Variants in NCKAP1L observed in about 807,000 individuals in gnomAD.
NCKAP1L encodes nck-associated protein 1-like.
Under a neutral mutation model 139.2 loss-of-function variants are expected in NCKAP1L, and 53 were observed. That is an observed-to-expected ratio of 0.38 (90% CI 0.31 to 0.48). NCKAP1L has a LOEUF of 0.48. Among genes scored for constraint, NCKAP1L ranks in the 20% least tolerant of loss-of-function variants. The pLI is 0.98. For missense variants in NCKAP1L, 1,151 were observed against 1,381.9 expected (o/e 0.83, Z 2.65); for synonymous variants, 468 against 499.7 (o/e 0.94, Z 0.85).
chr12:54,521,185 A>G lies in NCKAP1L; in HGVS notation c.1825A>G (p.Thr609Ala). 6.2e-7 allele frequency: 1 copy of G among 1,614,138 alleles called. No homozygotes were observed. The highest frequency in any genetic ancestry group is 8.5e-7 in the Non-Finnish European group (1 of 1,180,014). Residue 609 changes from threonine (T) to alanine (A), a missense_variant, in exon 18 of 31, where the codon ACC becomes GCC. Thr to Ala is a moderately conservative substitution (Grantham distance 58). Coordinates refer to ENST00000293373, the MANE Select transcript of NCKAP1L (RefSeq NM_005337.5). Reference sequence around the variant, plus strand: ...CTTCCTGGAAGAGTTGGCCAAGCAGACCAGCAATTGCGTCCTGGAGATCTG... The same window carrying G: ...CTTCCTGGAAGAGTTGGCCAAGCAGGCCAGCAATTGCGTCCTGGAGATCTG... ...NSFLEELAKQ[T>A]SNCVLEICAE...
chr12:54,534,686 A>G (rs1490845503), intron 26 of NCKAP1L, among the ~76,000 whole-genome samples: 2 of 152,220 alleles, frequency 1.3e-5, no homozygotes, highest in Non-Finnish European at 2.9e-5. Flanking sequence ...CAGTGAATAA[A>G]TTATCCTGGC....
Position 54,499,359 on chromosome 12 carries a change from G to A in NCKAP1L, c.107G>A (p.Cys36Tyr), listed in dbSNP as rs749263836. Residue 36 changes from cysteine (C) to tyrosine (Y), a missense_variant, in exon 2 of 31, where the codon TGT becomes TAT. Cys to Tyr is a radical substitution (Grantham distance 194). Transcript: ENST00000293373. ...LIRMYNIKKT[C>Y]SDPKSKPPFL... is the part of the protein sequence containing the mutation. ...ATATATGGTTTCTCTCTGCAGACTT[G>A]TTCAGACCCCAAATCTAAGCCACCT... 7 of 1,579,696 alleles carry A rather than the reference G, an allele frequency of 4.4e-6. No homozygotes were observed. Among genetic ancestry groups the A allele is most frequent in the Non-Finnish European group, 6.1e-6 (7 of 1,148,832 alleles).
At chr12:54,521,092 C>G in intron 17 of NCKAP1L, 27 bp from the exon 18 acceptor site, 1 of 1,613,436 alleles carries the variant, frequency 6.2e-7, no homozygotes, top group South Asian at 1.1e-5. Flanking sequence ...TGATGACAGT[C>G]TCTTCTTTGG....
intron 16 of NCKAP1L, among the ~76,000 whole-genome samples, chr12:54,520,038 T>C (rs1565677946): frequency 6.6e-6 from 1 of 152,170 alleles, no homozygotes; most frequent in Non-Finnish European, 1.5e-5. Context: ...CACTTGACGT[T>C]TTTAGGTGAC....
At chr12:54,531,429 G>T in intron 23 of NCKAP1L, 62 bp from the exon 24 acceptor site, 3 of 1,606,126 alleles carry the variant, frequency 1.9e-6, no homozygotes, top group East Asian at 2.2e-5. Flanking sequence ...GAGACTGGGG[G>T]GGAAGATGTA....
chr12:54,516,369 C>A, intron 10 of NCKAP1L, 74 bp downstream of exon 10: 1 of 1,396,144 alleles, frequency 7.2e-7, no homozygotes, highest in Non-Finnish European at 1.0e-6. Context: ...CTCACCTAAG[C>A]CATCCTTAGT....
At chr12:54,498,399 TTG>T (rs766272206) in intron 1 of NCKAP1L, among the ~76,000 whole-genome samples, 2,461 of 141,922 alleles carry the variant, frequency 0.017, 25 homozygotes, top group Non-Finnish European at 0.017. Context: ...GCTGTGGTGG[TTG>T]TGTGTGTGTG....
chr12:54,542,787 C>T lies in NCKAP1L; in HGVS notation c.*102C>T, dbSNP rs1957169123. ...GCAGGGGGTGGGAATGGGGTGGGGT[C>T]ACTAAGGAGAGAGGGTCAGGAGCCA... On this transcript the variant is annotated 3_prime_UTR_variant, in exon 31 of 31. Transcript: ENST00000293373. The T allele has an allele frequency of 5.5e-6, 4 of 732,324 alleles. No individual in the cohort carries two copies. The highest frequency in any genetic ancestry group is 9.6e-6 in the Non-Finnish European group (4 of 416,164). 45.4% of individuals were successfully genotyped at this position (732,324 alleles called of 1,614,324 possible).
At chr12:54,522,180 A>AAGGGAGT (rs1377716961) in intron 18 of NCKAP1L, among the ~76,000 whole-genome samples, 2 of 152,232 alleles carry the variant, frequency 1.3e-5, no homozygotes, top group Non-Finnish European at 2.9e-5. Context: ...TTTAAGAGAA[A>AAGGGAGT]AGGGAGTATA....
At chr12:54,513,968 A>ATGTG (rs61519403) in intron 9 of NCKAP1L, among the ~76,000 whole-genome samples, 44,310 of 148,586 alleles carry the variant, frequency 0.3, 6,761 homozygotes, top group East Asian at 0.58. Flanking sequence ...CATCCTTCAG[A>ATGTG]TGTGTGTGTG....
chr12:54,521,246 C>T lies in NCKAP1L; in HGVS notation c.1878+8C>T. On this transcript the variant is annotated splice_region_variant and intron_variant, in intron 18 of 30. Transcript: ENST00000293373. ...CGAAACCTGAGCGAGCAGGTAGACT[C>T]AGCCCTCTCTGTTTCACTCTCCCCT... The T allele has an allele frequency of 6.2e-7, 1 of 1,613,676 alleles. No homozygotes were observed. Among genetic ancestry groups the T allele is most frequent in the Non-Finnish European group, 8.5e-7 (1 of 1,179,714 alleles).
At chr12:54,501,920 A>T (rs992139824) in intron 3 of NCKAP1L, among the ~76,000 whole-genome samples, 21 of 152,306 alleles carry the variant, frequency 1.4e-4, no homozygotes, top group African/African-American at 5.1e-4. Context: ...TTTTTTTGAC[A>T]GTAGCCATCC....
At chr12:54,535,937 A>G (rs942129929) in intron 27 of NCKAP1L, among the ~76,000 whole-genome samples, 192 bp from the exon 28 acceptor site, 4 of 152,200 alleles carry the variant, frequency 2.6e-5, no homozygotes, top group Non-Finnish European at 5.9e-5. Flanking sequence ...GCCCTTCACT[A>G]TAGGTGGATG....
chr12:54,510,319 A>G, intron 7 of NCKAP1L: 1 of 458,258 alleles, frequency 2.2e-6, no homozygotes, highest in Non-Finnish European at 4.2e-6. Flanking sequence ...TTTAGGAATC[A>G]ATTAACTTAT....
At position 54,523,805 on chromosome 12, in the gene NCKAP1L, A is replaced by G. The variant is rs774645716; in HGVS notation, c.2025-20A>G. The G allele has an allele frequency of 3.7e-6, 6 of 1,608,772 alleles. No homozygotes were observed. In the African/African-American group the frequency reaches 8.0e-5, roughly 21 times the overall value. On this transcript the variant is annotated intron_variant, in intron 19 of 30. Transcript: ENST00000293373. ...GCAGGCAGTGCCAGACCTGTAATCC[A>G]GGCTCATTTTCCTTTCTAGCATGGA...
chr12:54,538,605 C>T (rs914143850), intron 29 of NCKAP1L, among the ~76,000 whole-genome samples: 1 of 152,204 alleles, frequency 6.6e-6, no homozygotes. Flanking sequence ...CATACATCAC[C>T]TGCCTTTGCT....
intron 1 of NCKAP1L, 140 bp from the exon 2 acceptor site, chr12:54,499,215 C>T: frequency 5.2e-6 from 3 of 573,860 alleles, no homozygotes; most frequent in South Asian, 4.2e-5. Flanking sequence ...TGAGCCGCTG[C>T]GCCCAGCCTC....
intron 18 of NCKAP1L, 31 bp from the exon 19 acceptor site, chr12:54,523,361 CCT>C (rs1565679104): frequency 6.3e-7 from 1 of 1,592,820 alleles, no homozygotes; most frequent in Non-Finnish European, 8.5e-7. Context: ...CAACAAATCC[CCT>C]TTCTCCATTT....
At chr12:54,514,170 A>G (rs1201533192) in intron 9 of NCKAP1L, among the ~76,000 whole-genome samples, 1 of 152,188 alleles carries the variant, frequency 6.6e-6, no homozygotes, top group East Asian at 1.9e-4. Context: ...ACAGTTGAAT[A>G]ATATTACATT....
Sources: allele counts gnomAD v4.1 joint callset (sites outside exome capture counted in the v4.1 genomes callset), GRCh38; gene constraint gnomAD v4.1.1; transcripts MANE v1.5; gene names NCBI Gene and HGNC (gene_info 2026-07-23, HGNC 2026-07-21).